Variants in VWC2L observed in about 807,000 individuals in gnomAD.
VWC2L encodes the protein von Willebrand factor C domain-containing protein 2-like.
Under a neutral mutation model 21.6 loss-of-function variants are expected in VWC2L, and 10 were observed. The observed-to-expected ratio is 0.46, with a 90% CI of 0.29 to 0.78. VWC2L has a LOEUF of 0.78. Among genes scored for constraint, VWC2L ranks in the 30% least tolerant of loss-of-function variants. The pLI is 0.10. For missense variants in VWC2L, 209 were observed against 277.1 expected, an observed-to-expected ratio of 0.75 and a Z score of 1.74; for synonymous variants, 96 against 94.3, an observed-to-expected ratio of 1.02 and a Z score of -0.10.
intron 3 of VWC2L, among the ~76,000 whole-genome samples, chr2:214,464,924 A>T (rs1248873084): frequency 6.6e-6 from 1 of 152,106 alleles, no homozygotes; most frequent in Admixed American, 6.5e-5. Flanking sequence ...CACTGCCCCA[A>T]GCCTGTGACA....
intron 2 of VWC2L, among the ~76,000 whole-genome samples, chr2:214,421,554 G>C (rs543760871): frequency 6.6e-6 from 1 of 152,020 alleles, no homozygotes; most frequent in African/African-American, 2.4e-5. Context: ...CTTCTGTGCC[G>C]TGTGCACATT....
chr2:214,564,318 T>G (rs182046131), intron 3 of VWC2L, among the ~76,000 whole-genome samples: 1 of 152,276 alleles, frequency 6.6e-6, no homozygotes, highest in Admixed American at 6.5e-5. Context: ...GAAGAAACTA[T>G]TTTAAAATTC....
rs544026757 is a variant in VWC2L at position 214,553,925 on chromosome 2, C to G, written c.521-21747C>G. Among the ~76,000 whole-genome samples the G allele has an allele frequency of 2.0e-5, 3 of 152,268 alleles. No individual in the cohort carries two copies. The South Asian group carries it at 6.2e-4, about 32-fold the overall frequency. On this transcript the variant is annotated intron_variant, in intron 3 of 3. Coordinates refer to ENST00000312504, the MANE Select transcript of VWC2L (RefSeq NM_001080500.4). ...GTGCTTAAAGGTCTGTAGAACCTGGCCACAGCCTCTCCTTTTCCTCCAGCC... is the reference window on the plus strand; with the variant it reads ...GTGCTTAAAGGTCTGTAGAACCTGGGCACAGCCTCTCCTTTTCCTCCAGCC...
intron 3 of VWC2L, among the ~76,000 whole-genome samples, chr2:214,521,598 G>A (rs781007439): frequency 6.6e-6 from 1 of 152,142 alleles, no homozygotes; most frequent in Non-Finnish European, 1.5e-5. Context: ...ATAAAATTTG[G>A]CCAGCTTCTC....
intron 2 of VWC2L, among the ~76,000 whole-genome samples, chr2:214,432,181 A>G (rs1278339033): frequency 6.6e-6 from 1 of 152,262 alleles, no homozygotes; most frequent in Non-Finnish European, 1.5e-5. Flanking sequence ...TAGATTATAC[A>G]TAAATGATTA....
intron 3 of VWC2L, among the ~76,000 whole-genome samples, chr2:214,573,872 G>A (rs1386709128): frequency 1.3e-5 from 2 of 152,204 alleles, no homozygotes; most frequent in African/African-American, 4.8e-5. Flanking sequence ...CAGGCGTGGT[G>A]GCTCACACCT....
intron 3 of VWC2L, among the ~76,000 whole-genome samples, chr2:214,567,905 A>C (rs897863473): frequency 3.9e-5 from 6 of 152,186 alleles, no homozygotes; most frequent in African/African-American, 1.4e-4. Context: ...AAGAATCTTC[A>C]AAGTGTTAAC....
chr2:214,436,829 A>G (rs1574563747), intron 3 of VWC2L, 71 bp downstream of exon 3: 3 of 1,569,072 alleles, frequency 1.9e-6, no homozygotes, highest in Admixed American at 1.7e-5. Context: ...ACTGCATACC[A>G]TTCAATGCAA....
chr2:214,570,381 C>T (rs975051481), intron 3 of VWC2L, among the ~76,000 whole-genome samples: 7 of 152,058 alleles, frequency 4.6e-5, no homozygotes, highest in Non-Finnish European at 5.9e-5. Context: ...TATTATTATT[C>T]GAGATAGGGT....
At chr2:214,425,810 C>T (rs769155103) in intron 2 of VWC2L, among the ~76,000 whole-genome samples, 1 of 152,056 alleles carries the variant, frequency 6.6e-6, no homozygotes, top group Admixed American at 6.6e-5. Context: ...CCTAGTCTAT[C>T]TAAAGGAATA....
At chr2:214,460,970 T>C (rs7563874) in intron 3 of VWC2L, among the ~76,000 whole-genome samples, 26,529 of 152,130 alleles carry the variant, frequency 0.17, 2,820 homozygotes, top group African/African-American at 0.28. Context: ...AATGTTAGTT[T>C]TGATTCTGGG....
At chr2:214,563,185 C>G (rs955650667) in intron 3 of VWC2L, among the ~76,000 whole-genome samples, 14 of 152,074 alleles carry the variant, frequency 9.2e-5, no homozygotes, top group Admixed American at 4.6e-4. Flanking sequence ...CTAGCCAATT[C>G]TCTCAGCACC....
intron 3 of VWC2L, among the ~76,000 whole-genome samples, chr2:214,557,294 C>T (rs563428060): frequency 6.6e-6 from 1 of 152,082 alleles, no homozygotes; most frequent in East Asian, 1.9e-4. Flanking sequence ...ACGGGTTTCC[C>T]CTTATAAAAG....
At chr2:214,528,201 G>T (rs1487718472) in intron 3 of VWC2L, among the ~76,000 whole-genome samples, 1 of 152,158 alleles carries the variant, frequency 6.6e-6, no homozygotes, top group Non-Finnish European at 1.5e-5. Flanking sequence ...AAATCATACA[G>T]TTTAAGCATT....
At chr2:214,455,511 T>C (rs1703043414) in intron 3 of VWC2L, among the ~76,000 whole-genome samples, 2 of 152,234 alleles carry the variant, frequency 1.3e-5, no homozygotes, top group African/African-American at 4.8e-5. Flanking sequence ...AGGATATTCA[T>C]CGCCACTAGC....
At chr2:214,565,812 C>A (rs1690053617) in intron 3 of VWC2L, among the ~76,000 whole-genome samples, 1 of 152,078 alleles carries the variant, frequency 6.6e-6, no homozygotes, top group Non-Finnish European at 1.5e-5. Context: ...TTTGTTCCTT[C>A]AAAAAGGAAG....
At chr2:214,447,616 AC>A (rs374341677) in intron 3 of VWC2L, among the ~76,000 whole-genome samples, 135 of 152,252 alleles carry the variant, frequency 8.9e-4, no homozygotes, top group African/African-American at 3.1e-3. Flanking sequence ...AAAAATAAAA[AC>A]AAAGCTGTGG....
intron 3 of VWC2L, among the ~76,000 whole-genome samples, chr2:214,552,802 T>C (rs1689815127): frequency 6.6e-6 from 1 of 152,184 alleles, no homozygotes. Context: ...AGAGCAAATA[T>C]TTCCCTTGAG....
At chr2:214,507,037 T>C (rs1441941919) in intron 3 of VWC2L, among the ~76,000 whole-genome samples, 1 of 152,136 alleles carries the variant, frequency 6.6e-6, no homozygotes, top group Admixed American at 6.5e-5. Flanking sequence ...ATAGAATTGA[T>C]TTTATAAAAC....
Sources: allele counts gnomAD v4.1 joint callset (sites outside exome capture counted in the v4.1 genomes callset), GRCh38; gene constraint gnomAD v4.1.1; transcripts MANE v1.5; gene names NCBI Gene and HGNC (gene_info 2026-07-23, HGNC 2026-07-21).